The following TTBK1 variants were observed in gnomAD, a reference collection of about 807,000 sequenced individuals.
TTBK1 encodes the protein tau tubulin kinase 1, also known as tau-tubulin kinase 1.
In TTBK1, 34 loss-of-function variants were observed where a neutral mutation model predicts 108.5. That is an observed-to-expected ratio of 0.31 (90% CI 0.24 to 0.42). The LOEUF (loss-of-function observed/expected upper bound fraction) is 0.42. TTBK1 is among the 10% of genes least tolerant of loss of function. TTBK1 has a pLI of 1.00. For synonymous variants in TTBK1, 809 were observed against 795.1 expected, an observed-to-expected ratio of 1.02 and a Z score of -0.29; for missense variants, 1,539 against 1,826.0, an observed-to-expected ratio of 0.84 and a Z score of 2.86.
chr6:43,260,665 A>G (rs1777516066), intron 12 of TTBK1, among the ~76,000 whole-genome samples: 2 of 152,178 alleles, frequency 1.3e-5, no homozygotes, highest in African/African-American at 4.8e-5. Context: ...AGTGGAGAAG[A>G]GAGGTGGGAA....
intron 10 of TTBK1, among the ~76,000 whole-genome samples, chr6:43,258,288 A>G (rs1488294081): frequency 2.6e-5 from 4 of 152,196 alleles, no homozygotes; most frequent in African/African-American, 7.2e-5. Flanking sequence ...TCCTGAGGCC[A>G]TACACCTGAA....
chr6:43,282,843 G>C lies in TTBK1; in HGVS notation c.2103G>C (p.Leu701Phe). Residue 701 changes from leucine to phenylalanine, a missense_variant, in exon 14 of 15, where the codon TTG (leucine) becomes TTC (phenylalanine). Leu to Phe is a conservative substitution (Grantham distance 22). Around this residue, in one of 5 missense-constraint regions of TTBK1, gnomAD observed 1,055 missense variants for 1,086.5 expected, o/e 0.97. Transcript: ENST00000259750. The surrounding 1 kb of genome is among the most constrained non-coding windows in gnomAD (Gnocchi z 5.4). ...CCGATTACCGAGAACGGGCGCGGTT[G>C]CTCAACAGGGTCCGGAGGGTGGGCT... ...DLSDYRERAR[L>F]LNRVRRVGFS... 7 of 1,614,048 alleles carry C rather than the reference G, an allele frequency of 4.3e-6. No homozygotes were observed. The highest frequency in any genetic ancestry group is 5.9e-6 in the Non-Finnish European group (7 of 1,179,998).
chr6:43,271,309 C>T, intron 13 of TTBK1: 2 of 985,446 alleles, frequency 2.0e-6, no homozygotes, highest in African/African-American at 3.5e-5. Flanking sequence ...AGCGTTTGTG[C>T]ATGTGGAAGG....
intron 13 of TTBK1, among the ~76,000 whole-genome samples, chr6:43,277,952 C>T (rs1019555231): frequency 5.3e-5 from 8 of 152,146 alleles, no homozygotes; most frequent in Admixed American, 3.9e-4. Flanking sequence ...CACAAGCCTC[C>T]GACCTCAGCA....
Position 43,269,502 on chromosome 6 carries a change from C to G in TTBK1, c.1986+6152C>G. 2.1e-6 allele frequency: 2 copies of G among 948,944 alleles called. No homozygotes were observed. Among genetic ancestry groups the G allele is most frequent in the Non-Finnish European group, 3.0e-6 (2 of 668,018 alleles). The allele number at this position is 948,944 out of a possible 1,614,324, so 58.8% of individuals were successfully genotyped here. A position where few individuals can be genotyped will look rare whatever the true frequency, so the allele number is the denominator to read the frequency against. ...GACCTTGGGGCGGGTGGTTTGCACC[C>G]TCCTCCACCCTGCCTGACCCCGCCC... On this transcript the variant is annotated intron_variant, in intron 13 of 14. Coordinates refer to ENST00000259750, the MANE Select transcript of TTBK1 (RefSeq NM_032538.3). The surrounding 1 kb of genome is among the most constrained non-coding windows in gnomAD (Gnocchi z 4.8).
In TTBK1 at chr6:43,252,182, CTGTGTG is replaced by C. The variant is rs58985204; in HGVS notation, c.109-519_109-514del. On this transcript the variant is annotated intron_variant, in intron 2 of 14. Coordinates refer to ENST00000259750, the MANE Select transcript of TTBK1 (RefSeq NM_032538.3). ...TTTTACCCTTTCCTGACATCTGGCT[CTGTGTG>C]TGTGTGTGTGTGTGTGTGTGTGTGT... 1.7e-3 allele frequency among the ~76,000 whole-genome samples: 233 copies of C among 140,112 alleles called. 2 individuals are homozygous for C. The highest frequency in any genetic ancestry group is 5.3e-3 in the South Asian group (22 of 4,176). 91.9% of individuals were successfully genotyped at this position (140,112 alleles called of 152,430 possible). A position where few individuals can be genotyped will look rare whatever the true frequency, so the allele number is the denominator to read the frequency against.
At position 43,285,541 on chromosome 6, in the gene TTBK1, G is replaced by T; in HGVS notation, c.*165G>T. On this transcript the variant is annotated 3_prime_UTR_variant, in exon 15 of 15. Transcript: ENST00000259750. This position sits in a 1 kb window ranked among gnomAD's most constrained non-coding sequence, Gnocchi z 4.7. The stretch of plus-strand genomic sequence containing the variant: ...GAGGACGCGCGCGAGCACACGCGGC[G>T]CCCCGCCAGGCCTTAGGGCCCGTGG... The T allele has an allele frequency of 6.5e-6, 6 of 923,476 alleles. No homozygotes were observed. The highest frequency in any genetic ancestry group is 8.4e-6 in the Non-Finnish European group (6 of 714,454). 57.2% of individuals were successfully genotyped at this position (923,476 alleles called of 1,614,324 possible).
chr6:43,250,929 A>C (rs1047600660), intron 2 of TTBK1, among the ~76,000 whole-genome samples: 12 of 152,244 alleles, frequency 7.9e-5, no homozygotes, highest in Non-Finnish European at 1.3e-4. Context: ...CCAGAGGCAG[A>C]CATGCCGTTG....
At chr6:43,252,927 G>T in intron 3 of TTBK1, 41 bp downstream of exon 3, 1 of 1,607,598 alleles carries the variant, frequency 6.2e-7, no homozygotes, top group Non-Finnish European at 8.5e-7. Flanking sequence ...AAGAGATGAT[G>T]AAGCCAGGGG....
In TTBK1 at chr6:43,287,392, C is replaced by T. The variant is rs1257482018; in HGVS notation, c.*2016C>T. ...ACCAACCGAACCGTGAATGTAGGGCCCCCAGCCTCACCTCTGCCCCAGGAC... is the reference window on the plus strand; with the variant it reads ...ACCAACCGAACCGTGAATGTAGGGCTCCCAGCCTCACCTCTGCCCCAGGAC... On this transcript the variant is annotated 3_prime_UTR_variant, in exon 15 of 15. Coordinates refer to ENST00000259750, the MANE Select transcript of TTBK1 (RefSeq NM_032538.3). This position sits in a 1 kb window ranked among gnomAD's most constrained non-coding sequence, Gnocchi z 4.1. 1 of 152,972 alleles carries T rather than the reference C, an allele frequency of 6.5e-6. No individual in the cohort carries two copies. Among genetic ancestry groups the T allele is most frequent in the Non-Finnish European group, 1.5e-5 (1 of 68,358 alleles). 9.5% of individuals were successfully genotyped at this position (152,972 alleles called of 1,614,324 possible).
intron 13 of TTBK1, among the ~76,000 whole-genome samples, chr6:43,264,052 C>T (rs1777616306): frequency 6.6e-6 from 1 of 151,960 alleles, no homozygotes; most frequent in African/African-American, 2.4e-5. Context: ...GGCTGATGCC[C>T]TGAGTGGTTT....
intron 2 of TTBK1, among the ~76,000 whole-genome samples, chr6:43,247,635 C>T (rs960686498): frequency 1.8e-4 from 27 of 151,912 alleles, no homozygotes; most frequent in African/African-American, 6.5e-4. Flanking sequence ...CACTCCTGAC[C>T]TCTGAGTCGT....
At position 43,285,785 on chromosome 6, in the gene TTBK1, C is replaced by G. The variant is rs991864636; in HGVS notation, c.*409C>G. On this transcript the variant is annotated 3_prime_UTR_variant, in exon 15 of 15. Transcript: ENST00000259750. The surrounding 1 kb of genome is among the most constrained non-coding windows in gnomAD (Gnocchi z 4.7). ...TCCATGCTCCCCCAGCAATCTCTGC[C>G]TACACCTCCTGCGGCGCCTTGCCCT... 6.3e-6 allele frequency: 1 copy of G among 157,928 alleles called. No individual in the cohort carries two copies. The highest frequency in any genetic ancestry group is 6.5e-5 in the Admixed American group (1 of 15,410). The allele number at this position is 157,928 out of a possible 1,614,324, so 9.8% of individuals were successfully genotyped here.
intron 1 of TTBK1, among the ~76,000 whole-genome samples, chr6:43,245,259 C>T (rs1777056526): frequency 6.6e-6 from 1 of 152,004 alleles, no homozygotes; most frequent in Admixed American, 6.6e-5. Flanking sequence ...CGACCCGCAA[C>T]CCCCAAACCC....
chr6:43,263,157 G>C lies in TTBK1; in HGVS notation c.1793G>C (p.Arg598Pro), dbSNP rs953189053. 3 of 1,570,298 alleles carry C rather than the reference G, an allele frequency of 1.9e-6. No individual in the cohort carries two copies. The highest frequency in any genetic ancestry group is 2.6e-6 in the Non-Finnish European group (3 of 1,156,586). Residue 598 changes from arginine to proline, a missense_variant, in exon 13 of 15, where the codon CGC (arginine) becomes CCC (proline). This residue lies in a region of TTBK1 where 1,055 missense variants were observed against 1,086.5 expected (regional missense o/e 0.97). Coordinates refer to ENST00000259750, the MANE Select transcript of TTBK1 (RefSeq NM_032538.3). The surrounding 1 kb of genome is among the most constrained non-coding windows in gnomAD (Gnocchi z 4.7). ...GAGCCCACCGTCCGGCCCCGGGGAC[G>C]CAGCATGCAGGCGCTGGCGGAGGAG... Reference protein sequence around the residue: ...GAEPTVRPRGRSMQALAEEDL... With the variant: ...GAEPTVRPRGPSMQALAEEDL...
chr6:43,274,929 C>T (rs1300545659), intron 13 of TTBK1, among the ~76,000 whole-genome samples: 1 of 152,078 alleles, frequency 6.6e-6, no homozygotes, highest in Non-Finnish European at 1.5e-5. Flanking sequence ...GGACTCCTTC[C>T]TACAACCTTC....
intron 6 of TTBK1, 90 bp downstream of exon 6, chr6:43,254,741 T>A: frequency 8.2e-7 from 1 of 1,212,394 alleles, no homozygotes; most frequent in Admixed American, 2.5e-5. Flanking sequence ...TACAGCTGCC[T>A]AAGCTGGCCT....
chr6:43,245,990 G>A (rs556638634), intron 1 of TTBK1, among the ~76,000 whole-genome samples: 14 of 152,314 alleles, frequency 9.2e-5, no homozygotes, highest in African/African-American at 3.4e-4. Context: ...CCATGGCTGT[G>A]TCAGTGGGTT....
chr6:43,272,003 G>C, intron 13 of TTBK1: 1 of 985,290 alleles, frequency 1.0e-6, no homozygotes, highest in Non-Finnish European at 1.2e-6. Flanking sequence ...TGGACCCTTT[G>C]AGAAGGGACA....
Sources: gnomAD v4.1 joint callset for allele counts (sites outside exome capture counted in the v4.1 genomes callset) on GRCh38, gnomAD v4.1.1 for gene constraint, gnomAD v4.1.1 regional missense constraint, Gnocchi (gnomAD v3.1) non-coding constraint, MANE v1.5 for transcripts, NCBI Gene and HGNC (gene_info 2026-07-23, HGNC 2026-07-21) for gene names.